The following DOCK3 variants were observed in gnomAD, a reference collection of about 807,000 sequenced individuals.
The protein encoded by DOCK3 is dedicator of cytokinesis 3.
DOCK3 carries 60 observed loss-of-function variants against 265.6 expected under a neutral mutation model. That is an observed-to-expected ratio of 0.23 (90% CI 0.18 to 0.28). The LOEUF is 0.28. DOCK3 is among the 10% of genes least tolerant of loss of function. DOCK3 has a pLI of 1.00. For synonymous variants in DOCK3, 881 were observed against 938.0 expected, an observed-to-expected ratio of 0.94 and a Z score of 1.11; for missense variants, 1,981 against 2,594.3, an observed-to-expected ratio of 0.76 and a Z score of 5.14.
At chr3:50,996,938 T>G (rs1176998466) in intron 5 of DOCK3, among the ~76,000 whole-genome samples, 4 of 152,224 alleles carry the variant, frequency 2.6e-5, no homozygotes, top group African/African-American at 9.6e-5. Flanking sequence ...CTGAGATCTT[T>G]GCTTATGCTG....
chr3:51,062,784 G>A (rs2081455731), intron 5 of DOCK3, among the ~76,000 whole-genome samples: 1 of 152,186 alleles, frequency 6.6e-6, no homozygotes, highest in African/African-American at 2.4e-5. Flanking sequence ...CAAACTTTCT[G>A]TTTTATACTT....
At chr3:51,255,225 C>T (rs1417192741) in intron 22 of DOCK3, among the ~76,000 whole-genome samples, 1 of 152,208 alleles carries the variant, frequency 6.6e-6, no homozygotes, top group Non-Finnish European at 1.5e-5. Context: ...AGAGTTTCTG[C>T]TGAGAGATCC....
At chr3:51,262,295 C>T (rs1399435036) in intron 23 of DOCK3, among the ~76,000 whole-genome samples, 1 of 152,158 alleles carries the variant, frequency 6.6e-6, no homozygotes, top group Non-Finnish European at 1.5e-5. Context: ...GGACCTCCAG[C>T]AAACCCCAGC....
chr3:51,054,905 G>A (rs2081143426), intron 5 of DOCK3, among the ~76,000 whole-genome samples: 2 of 151,874 alleles, frequency 1.3e-5, no homozygotes, highest in African/African-American at 4.8e-5. Flanking sequence ...TCTTGTCATT[G>A]TGTCTGTTTC....
chr3:51,298,859 G>T (rs1399384013), intron 27 of DOCK3, among the ~76,000 whole-genome samples: 1 of 152,166 alleles, frequency 6.6e-6, no homozygotes, highest in Admixed American at 6.5e-5. Flanking sequence ...TGTGAACAGT[G>T]CTGCAATGAA....
chr3:50,699,929 A>G (rs904370876), intron 1 of DOCK3, among the ~76,000 whole-genome samples: 4 of 152,184 alleles, frequency 2.6e-5, no homozygotes, highest in Admixed American at 6.5e-5. Context: ...GCAAATTAGG[A>G]TATGTAAGAT....
At chr3:50,707,048 C>G (rs1379667618) in intron 1 of DOCK3, among the ~76,000 whole-genome samples, 1 of 152,150 alleles carries the variant, frequency 6.6e-6, no homozygotes, top group Non-Finnish European at 1.5e-5. Context: ...TTCCCTCTGT[C>G]TCTTCTTCCT....
At chr3:50,847,882 CA>C (rs3043428) in intron 3 of DOCK3, among the ~76,000 whole-genome samples, 54 of 97,614 alleles carry the variant, frequency 5.5e-4, no homozygotes, top group African/African-American at 2.1e-3. Context: ...GGCTCCATTT[CA>C]AAAAAAAAAA....
intron 5 of DOCK3, among the ~76,000 whole-genome samples, chr3:50,956,544 T>C (rs932356750): frequency 1.3e-5 from 2 of 152,210 alleles, no homozygotes; most frequent in African/African-American, 4.8e-5. Context: ...TTTCAGTGCT[T>C]TGGCATCCAT....
At chr3:50,897,307 C>G (rs1030982054) in intron 4 of DOCK3, among the ~76,000 whole-genome samples, 1 of 152,090 alleles carries the variant, frequency 6.6e-6, no homozygotes, top group Non-Finnish European at 1.5e-5. Flanking sequence ...TATAAGAATG[C>G]TTGTGATTTT....
intron 1 of DOCK3, among the ~76,000 whole-genome samples, chr3:50,696,747 T>C (rs554939744): frequency 2.6e-5 from 4 of 152,318 alleles, no homozygotes; most frequent in Admixed American, 2.6e-4. Flanking sequence ...AACCCGCATA[T>C]GCACAAGTAA....
chr3:50,832,339 A>C (rs1467042951), intron 2 of DOCK3, among the ~76,000 whole-genome samples: 1 of 152,218 alleles, frequency 6.6e-6, no homozygotes, highest in African/African-American at 2.4e-5. Context: ...AAGCAATGGC[A>C]ACAAAAGCCA....
chr3:50,907,200 G>T (rs2049565323), intron 4 of DOCK3, among the ~76,000 whole-genome samples: 1 of 152,080 alleles, frequency 6.6e-6, no homozygotes, highest in Non-Finnish European at 1.5e-5. Context: ...GAATAAGTGT[G>T]ACGTGGTGCT....
intron 1 of DOCK3, among the ~76,000 whole-genome samples, chr3:50,717,473 A>G (rs991573063): frequency 2.6e-5 from 4 of 152,046 alleles, no homozygotes; most frequent in African/African-American, 9.7e-5. Flanking sequence ...GTGTGTATAT[A>G]TGTATGTGTG....
chr3:51,255,660 C>G (rs1032371262), intron 22 of DOCK3, among the ~76,000 whole-genome samples: 8 of 152,078 alleles, frequency 5.3e-5, no homozygotes, highest in Non-Finnish European at 5.9e-5. Context: ...GAATCGGCTA[C>G]TGAAGCTTGT....
At chr3:50,984,127 G>C (rs896972909) in intron 5 of DOCK3, among the ~76,000 whole-genome samples, 1 of 152,188 alleles carries the variant, frequency 6.6e-6, no homozygotes, top group Non-Finnish European at 1.5e-5. Flanking sequence ...GGCAGGTGTG[G>C]GATCCAGGCC....
chr3:50,762,084 C>T (rs892747432), intron 1 of DOCK3, among the ~76,000 whole-genome samples: 8 of 151,924 alleles, frequency 5.3e-5, no homozygotes, highest in African/African-American at 1.7e-4. Flanking sequence ...GGAAGGGGAA[C>T]ATCACACACC....
At chr3:51,364,240 A>G (rs960663832) in intron 49 of DOCK3, among the ~76,000 whole-genome samples, 1 of 152,330 alleles carries the variant, frequency 6.6e-6, no homozygotes, top group East Asian at 1.9e-4. Context: ...ATGGCCAGTG[A>G]TGATGAGCAT....
chr3:51,317,889 C>T (rs532784105), intron 32 of DOCK3, among the ~76,000 whole-genome samples: 17 of 152,224 alleles, frequency 1.1e-4, no homozygotes, highest in South Asian at 8.3e-4. Context: ...ATCAATACCA[C>T]GCTATCTTAT....
Sources: gnomAD v4.1 joint callset for allele counts (sites outside exome capture counted in the v4.1 genomes callset) on GRCh38, gnomAD v4.1.1 for gene constraint, MANE v1.5 for transcripts, NCBI Gene and HGNC (gene_info 2026-07-23, HGNC 2026-07-21) for gene names.